TRPC7: variants seen among roughly 807,000 people sequenced by gnomAD.
TRPC7 encodes the protein transient receptor potential cation channel subfamily C member 7.
A neutral mutation model predicts 90.1 loss-of-function variants in TRPC7; 42 were observed. That is an observed-to-expected ratio of 0.47 (90% CI 0.36 to 0.60). The LOEUF (loss-of-function observed/expected upper bound fraction) is 0.60, where lower values mean the gene tolerates loss of function less well. Ranked by LOEUF, TRPC7 falls within the 20% of genes least tolerant of loss-of-function variation. The pLI, the probability that TRPC7 is intolerant of heterozygous loss-of-function variation, is 0.00. For missense variants in TRPC7, 955 were observed against 1,112.3 expected, an observed-to-expected ratio of 0.86 and a Z score of 2.01; for synonymous variants, 451 against 436.3, an observed-to-expected ratio of 1.03 and a Z score of -0.42.
intron 2 of TRPC7, among the ~76,000 whole-genome samples, chr5:136,330,398 C>T (rs1392005940): frequency 6.6e-6 from 1 of 152,220 alleles, no homozygotes; most frequent in African/African-American, 2.4e-5. Flanking sequence ...GACAGAGGAA[C>T]CGAGGCCCAG....
chr5:136,304,634 C>G (rs1259511047), intron 3 of TRPC7, among the ~76,000 whole-genome samples: 1 of 152,206 alleles, frequency 6.6e-6, no homozygotes, highest in African/African-American at 2.4e-5. Flanking sequence ...CTGACCCTGA[C>G]ACCCATTAGG....
At chr5:136,282,288 G>T (rs572610518) in intron 3 of TRPC7, among the ~76,000 whole-genome samples, 2 of 152,252 alleles carry the variant, frequency 1.3e-5, no homozygotes, top group South Asian at 4.2e-4. Flanking sequence ...GTCAGGGCAG[G>T]CTGATGAAGG....
intron 4 of TRPC7, among the ~76,000 whole-genome samples, chr5:136,269,684 A>G (rs1321525399): frequency 6.6e-6 from 1 of 152,244 alleles, no homozygotes; most frequent in Non-Finnish European, 1.5e-5. Context: ...AATCATTCCC[A>G]AAAGAATCAT....
At chr5:136,288,162 G>T (rs1757794736) in intron 3 of TRPC7, among the ~76,000 whole-genome samples, 1 of 151,792 alleles carries the variant, frequency 6.6e-6, no homozygotes, top group African/African-American at 2.4e-5. Flanking sequence ...CCCATCTGAG[G>T]TCACACAGCC....
intron 2 of TRPC7, among the ~76,000 whole-genome samples, chr5:136,320,828 TATCTTTTTAAAAAA>T (rs1462312459): frequency 6.6e-6 from 1 of 152,228 alleles, no homozygotes; most frequent in Admixed American, 6.5e-5. Context: ...CTTCTCTGAC[TATCTTTTTAAAAAA>T]GTGTGGCTCC....
At chr5:136,264,654 G>A (rs1178428320) in intron 5 of TRPC7, among the ~76,000 whole-genome samples, 1 of 151,716 alleles carries the variant, frequency 6.6e-6, no homozygotes, top group Non-Finnish European at 1.5e-5. Context: ...GTGCGGTGGT[G>A]CAATGTCCGC....
At chr5:136,324,293 A>G (rs1759281534) in intron 2 of TRPC7, among the ~76,000 whole-genome samples, 1 of 152,166 alleles carries the variant, frequency 6.6e-6, no homozygotes, top group Admixed American at 6.5e-5. Context: ...AAATGGTGAG[A>G]AAATGCTCAG....
At chr5:136,338,484 T>C (rs1047171185) in intron 2 of TRPC7, among the ~76,000 whole-genome samples, 13 of 152,228 alleles carry the variant, frequency 8.5e-5, no homozygotes, top group African/African-American at 2.9e-4. Flanking sequence ...ATCCACTTTA[T>C]TGAGAGCTGG....
At chr5:136,323,012 C>T (rs1407835491) in intron 2 of TRPC7, among the ~76,000 whole-genome samples, 1 of 152,310 alleles carries the variant, frequency 6.6e-6, no homozygotes, top group Non-Finnish European at 1.5e-5. Flanking sequence ...TGTCCCCACC[C>T]AAATCTCATC....
At position 136,315,603 on chromosome 5, in the gene TRPC7, G is replaced by T; in HGVS notation, c.957C>A (p.Val319=). ...GAGAGATGGGGGAGCTTACCTTCTT[G>T]ACTTCATATTTAATGGCGAGTTTGA... The part of the protein sequence containing the change: ...SRIKLAIKYE[V]KKFVAHPNCQ... The change falls in exon 3 of 12, where the codon GTC becomes GTA. Residue 319 remains valine, a synonymous_variant. Transcript: ENST00000513104. 2 of 1,613,732 alleles carry T rather than the reference G, an allele frequency of 1.2e-6. No individual in the cohort carries two copies. The highest frequency in any genetic ancestry group is 1.7e-6 in the Non-Finnish European group (2 of 1,179,756).
In TRPC7 at chr5:136,356,945, T is replaced by TCGC; in HGVS notation, c.440_442dup (p.Arg147_Asp148insGly). 6.2e-7 allele frequency: 1 copy of TCGC among 1,612,964 alleles called. No individual in the cohort carries two copies. Among genetic ancestry groups the TCGC allele is most frequent in the South Asian group, 1.1e-5 (1 of 91,048 alleles). On this transcript the variant is annotated inframe_insertion, in exon 2 of 12. Coordinates refer to ENST00000513104, the MANE Select transcript of TRPC7 (RefSeq NM_020389.3). ...CTCGTCGTAGGCATAGAAGTCGTCG[T>TCGC]CGCGCAGCTCCTGTTCCAGCGGGCT...
chr5:136,279,352 C>CAGGGTGCAGGCACCAAAACAA (rs1757471844), intron 3 of TRPC7, among the ~76,000 whole-genome samples: 1 of 152,176 alleles, frequency 6.6e-6, no homozygotes, highest in Non-Finnish European at 1.5e-5. Context: ...GTCTCAGTCT[C>CAGGGTGCAGGCACCAAAACAA]AGGGTGCAGG....
chr5:136,276,153 T>A (rs982919613), intron 3 of TRPC7, among the ~76,000 whole-genome samples: 2 of 152,242 alleles, frequency 1.3e-5, no homozygotes, highest in African/African-American at 4.8e-5. Flanking sequence ...AAGCAAAATT[T>A]ATGGGAATAA....
intron 2 of TRPC7, among the ~76,000 whole-genome samples, chr5:136,334,676 T>C (rs1759597180): frequency 6.6e-6 from 1 of 152,244 alleles, no homozygotes; most frequent in Admixed American, 6.5e-5. Flanking sequence ...CTCTCCATAT[T>C]TTTAACACTT....
At chr5:136,329,603 C>T (rs1759439765) in intron 2 of TRPC7, among the ~76,000 whole-genome samples, 1 of 152,054 alleles carries the variant, frequency 6.6e-6, no homozygotes, top group Non-Finnish European at 1.5e-5. Context: ...CCAGCAAGTG[C>T]AACAGGAAGA....
intron 2 of TRPC7, among the ~76,000 whole-genome samples, chr5:136,350,466 A>G (rs181460931): frequency 1.4e-4 from 22 of 152,334 alleles, no homozygotes; most frequent in African/African-American, 5.3e-4. Flanking sequence ...GAAGAGAAAC[A>G]TCATCTAATT....
chr5:136,329,085 T>C (rs541559796), intron 2 of TRPC7, among the ~76,000 whole-genome samples: 2 of 152,246 alleles, frequency 1.3e-5, no homozygotes, highest in Non-Finnish European at 2.9e-5. Flanking sequence ...GTTTACTTAA[T>C]TGTCAGCTAC....
intron 4 of TRPC7, among the ~76,000 whole-genome samples, chr5:136,266,659 G>A (rs1415862460): frequency 6.6e-6 from 1 of 152,010 alleles, no homozygotes; most frequent in African/African-American, 2.4e-5. Flanking sequence ...TTAGTGGGAG[G>A]GCTAAGAGAA....
chr5:136,248,030 G>A (rs913562741), intron 6 of TRPC7, among the ~76,000 whole-genome samples: 3 of 143,640 alleles, frequency 2.1e-5, no homozygotes, highest in South Asian at 2.1e-4. Flanking sequence ...CCCCCACCAC[G>A]GGCTGGGCAG....
Sources: allele counts gnomAD v4.1 joint callset (sites outside exome capture counted in the v4.1 genomes callset), GRCh38; gene constraint gnomAD v4.1.1; transcripts MANE v1.5; gene names NCBI Gene and HGNC (gene_info 2026-07-23, HGNC 2026-07-21).